URI1: variants seen among roughly 807,000 people sequenced by gnomAD.
URI1 encodes unconventional prefoldin RPB5 interactor 1.
A neutral mutation model predicts 60.2 loss-of-function variants in URI1; 39 were observed. That is an observed-to-expected ratio of 0.65 (90% confidence interval 0.50 to 0.85). URI1 has a LOEUF of 0.85. URI1 is among the 40% of genes least tolerant of loss of function. The pLI is 0.00. For synonymous variants in URI1, 251 were observed against 236.8 expected (o/e 1.06, Z -0.55); for missense variants, 691 against 665.9 (o/e 1.04, Z -0.42).
chr19:30,011,504 G>C (rs898248838), intron 9 of URI1, among the ~76,000 whole-genome samples: 12 of 149,654 alleles, frequency 8.0e-5, no homozygotes, highest in African/African-American at 2.7e-4. Flanking sequence ...AGAAAATCTT[G>C]TATCTTCAGA....
chr19:29,980,917 A>G lies in URI1; in HGVS notation c.153-4306A>G, dbSNP rs1211024400. 8.4e-5 allele frequency among the ~76,000 whole-genome samples: 7 copies of G among 83,076 alleles called. No individual in the cohort carries two copies. The South Asian group carries it at 2.7e-3, about 32-fold the overall frequency. 54.5% of individuals were successfully genotyped at this position (83,076 alleles called of 152,430 possible). A position where few individuals can be genotyped will look rare whatever the true frequency, so the allele number is the denominator to read the frequency against. Reference sequence around the variant, plus strand: ...AGGCTGGGTGAAAGAGTGAGACTCCATCTCCAAAAAAAAAAAAAAAAAAAA... The same window carrying G: ...AGGCTGGGTGAAAGAGTGAGACTCCGTCTCCAAAAAAAAAAAAAAAAAAAA... On this transcript the variant is annotated intron_variant, in intron 2 of 10. Transcript: ENST00000392271.
In URI1 at chr19:29,949,085, G is replaced by A. The variant is rs986347478; in HGVS notation, c.117+6421G>A. Among the ~76,000 whole-genome samples the A allele has an allele frequency of 1.4e-3, 219 of 151,208 alleles. 2 individuals are homozygous for A. The highest frequency in any genetic ancestry group is 2.3e-3 in the Non-Finnish European group (158 of 67,628). ...CCGCCTCCCGGACGGGGCTTCTGCCGGGCGGAGACGCTCCTCACTTCCCAG... is the reference window on the plus strand; with the variant it reads ...CCGCCTCCCGGACGGGGCTTCTGCCAGGCGGAGACGCTCCTCACTTCCCAG... On this transcript the variant is annotated intron_variant, in intron 1 of 10. Transcript: ENST00000392271.
In URI1 at chr19:30,015,696, CTT is replaced by C; in HGVS notation, c.*628_*629del. 9.5e-7 allele frequency: 1 copy of C among 1,048,790 alleles called. No homozygotes were observed. Among genetic ancestry groups the C allele is most frequent in the East Asian group, 2.6e-5 (1 of 38,402 alleles). 65.0% of individuals were successfully genotyped at this position (1,048,790 alleles called of 1,614,324 possible). A position where few individuals can be genotyped will look rare whatever the true frequency, so the allele number is the denominator to read the frequency against. On this transcript the variant is annotated 3_prime_UTR_variant, in exon 11 of 11. Coordinates refer to ENST00000392271, the MANE Select transcript of URI1 (RefSeq NM_003796.3). ...TTTTCCAAGTAAAAACTTTATGAAA[CTT>C]GGTCTCAAAAATGTTGTGAACTTTA...
At chr19:29,980,628 A>AAAC (rs1568428394) in intron 2 of URI1, among the ~76,000 whole-genome samples, 1 of 146,970 alleles carries the variant, frequency 6.8e-6, no homozygotes, top group African/African-American at 2.5e-5. Flanking sequence ...AAAAAAAAAA[A>AAAC]AAAAAAAAAA....
intron 4 of URI1, among the ~76,000 whole-genome samples, chr19:29,999,265 C>T (rs2055849225): frequency 6.6e-6 from 1 of 152,058 alleles, no homozygotes; most frequent in Admixed American, 6.6e-5. Flanking sequence ...TTACCTTTAT[C>T]AGAGATCTGT....
chr19:29,996,926 C>T (rs986540939), intron 4 of URI1, among the ~76,000 whole-genome samples: 4 of 151,986 alleles, frequency 2.6e-5, no homozygotes, highest in Non-Finnish European at 4.4e-5. Flanking sequence ...ATATGTTGAA[C>T]CCATCCTTGC....
At chr19:29,952,544 GAT>G (rs1433845008) in intron 1 of URI1, among the ~76,000 whole-genome samples, 9 of 152,242 alleles carry the variant, frequency 5.9e-5, no homozygotes, top group African/African-American at 2.2e-4. Flanking sequence ...ACAATACAAA[GAT>G]AAACCATTAC....
intron 1 of URI1, among the ~76,000 whole-genome samples, chr19:29,934,251 G>T (rs915388306): frequency 3.9e-5 from 6 of 151,998 alleles, no homozygotes; most frequent in Non-Finnish European, 7.4e-5. Context: ...CCATCTTTCT[G>T]CTAGCTTTGG....
At chr19:30,008,070 A>T (rs1599724908) in intron 7 of URI1, among the ~76,000 whole-genome samples, 1 of 152,178 alleles carries the variant, frequency 6.6e-6, no homozygotes. Context: ...AATTTGATAC[A>T]GTAAAATGTT....
At chr19:29,992,956 A>G (rs2055765170) in intron 4 of URI1, among the ~76,000 whole-genome samples, 1 of 152,222 alleles carries the variant, frequency 6.6e-6, no homozygotes, top group African/African-American at 2.4e-5. Flanking sequence ...CCAGTGATTA[A>G]TGTTAAACAG....
At chr19:29,973,313 A>G (rs2055481755) in intron 2 of URI1, among the ~76,000 whole-genome samples, 1 of 152,190 alleles carries the variant, frequency 6.6e-6, no homozygotes. Context: ...TTGCGGAGAT[A>G]TGAAGCAACT....
intron 2 of URI1, among the ~76,000 whole-genome samples, chr19:29,983,495 C>G (rs550005338): frequency 1.3e-5 from 2 of 152,092 alleles, no homozygotes; most frequent in African/African-American, 4.8e-5. Flanking sequence ...TTTATATTAT[C>G]TGGAGAGTTG....
intron 4 of URI1, among the ~76,000 whole-genome samples, chr19:30,001,539 T>A (rs2145421496): frequency 6.6e-6 from 1 of 152,028 alleles, no homozygotes; most frequent in South Asian, 2.1e-4. Flanking sequence ...ATCTTTTGTT[T>A]AAGCAAGAAA....
intron 1 of URI1, among the ~76,000 whole-genome samples, chr19:29,958,846 G>A (rs2055284295): frequency 6.6e-6 from 1 of 151,816 alleles, no homozygotes; most frequent in Admixed American, 6.6e-5. Flanking sequence ...TGTAATCCCA[G>A]CTACTCGGAA....
intron 4 of URI1, among the ~76,000 whole-genome samples, chr19:29,999,979 T>A (rs1191858930): frequency 4.1e-5 from 1 of 24,438 alleles, no homozygotes; most frequent in Admixed American, 5.3e-4. Flanking sequence ...TTTGTTTACT[T>A]CTTTTTTTTT....
intron 1 of URI1, among the ~76,000 whole-genome samples, chr19:29,958,955 C>CAA (rs34952595): frequency 1.3e-3 from 195 of 148,616 alleles, no homozygotes; most frequent in East Asian, 5.7e-3. Context: ...GACTCCGTCT[C>CAA]AAAAAAAAAA....
At chr19:29,955,199 C>T (rs1012123797) in intron 1 of URI1, among the ~76,000 whole-genome samples, 2 of 151,196 alleles carry the variant, frequency 1.3e-5, no homozygotes, top group East Asian at 3.9e-4. Flanking sequence ...CTCCTGACCT[C>T]GTGATCCGCC....
intron 2 of URI1, among the ~76,000 whole-genome samples, chr19:29,984,487 G>C (rs1242414257): frequency 6.6e-6 from 1 of 151,886 alleles, no homozygotes; most frequent in Non-Finnish European, 1.5e-5. Context: ...CAAATATCAG[G>C]CCCTCTTTTA....
chr19:29,953,263 T>G (rs1281099753), intron 1 of URI1, among the ~76,000 whole-genome samples: 1 of 152,130 alleles, frequency 6.6e-6, no homozygotes, highest in East Asian at 1.9e-4. Context: ...AAAATTCAGT[T>G]TTTTGGTTAC....
Sources: allele counts gnomAD v4.1 joint callset (sites outside exome capture counted in the v4.1 genomes callset), GRCh38; gene constraint gnomAD v4.1.1; transcripts MANE v1.5; gene names NCBI Gene and HGNC (gene_info 2026-07-23, HGNC 2026-07-21).